The following COL23A1 variants were observed in gnomAD, a reference collection of about 807,000 sequenced individuals.
COL23A1 encodes the protein collagen type XXIII alpha 1 chain.
Under a neutral mutation model 99.3 loss-of-function variants are expected in COL23A1, and 97 were observed. The observed-to-expected ratio is 0.98, with a 90% CI of 0.83 to 1.16. The LOEUF (loss-of-function observed/expected upper bound fraction) is 1.16. COL23A1 is among the 50% of genes most tolerant of loss of function. The pLI is 0.00. For synonymous variants in COL23A1, 320 were observed against 308.2 expected, an observed-to-expected ratio of 1.04 and a Z score of -0.40; for missense variants, 762 against 757.4, an observed-to-expected ratio of 1.01 and a Z score of -0.07.
intron 2 of COL23A1, among the ~76,000 whole-genome samples, chr5:178,363,469 G>T (rs1368647062): frequency 1.3e-5 from 2 of 152,072 alleles, no homozygotes; most frequent in South Asian, 2.1e-4. Flanking sequence ...GTCCTACTAC[G>T]GGTCAGTCAT....
intron 2 of COL23A1, among the ~76,000 whole-genome samples, chr5:178,450,110 C>T (rs377620803): frequency 2.6e-5 from 4 of 152,156 alleles, no homozygotes; most frequent in Non-Finnish European, 4.4e-5. Flanking sequence ...CATACCCTCA[C>T]GGCCCTATGG....
At position 178,307,791 on chromosome 5, in the gene COL23A1, T is replaced by A. The variant is rs955880115; in HGVS notation, c.362-872A>T. ...CAGGTACAAGATTGCAATGTGTAAA[T>A]GGCATTTGATACGTCTTGCTCACCC... On this transcript the variant is annotated intron_variant, in intron 2 of 28. Transcript: ENST00000390654. The surrounding 1 kb of genome is among the most constrained non-coding windows in gnomAD (Gnocchi z 4.2). Among the ~76,000 whole-genome samples, 13 of 152,322 alleles carry A rather than the reference T, an allele frequency of 8.5e-5. 1 individual carries two copies. Among genetic ancestry groups the A allele is most frequent in the African/African-American group, 3.1e-4 (13 of 41,564 alleles).
chr5:178,407,387 C>A (rs1764822450), intron 2 of COL23A1, among the ~76,000 whole-genome samples: 2 of 152,194 alleles, frequency 1.3e-5, no homozygotes, highest in Admixed American at 6.5e-5. Context: ...TTAACAAAAT[C>A]CAGAGTCTCA....
chr5:178,325,082 A>T (rs1334110888), intron 2 of COL23A1, among the ~76,000 whole-genome samples: 1 of 152,222 alleles, frequency 6.6e-6, no homozygotes, highest in East Asian at 1.9e-4. Flanking sequence ...TGACCCGCTC[A>T]AAGTCACGCA....
chr5:178,490,855 T>C (rs1357514158), intron 2 of COL23A1, among the ~76,000 whole-genome samples: 2 of 152,170 alleles, frequency 1.3e-5, no homozygotes, highest in African/African-American at 4.8e-5. Context: ...AAAAAACTGA[T>C]AGAACTGGAT....
At chr5:178,463,925 G>A (rs762259810) in intron 2 of COL23A1, among the ~76,000 whole-genome samples, 1 of 151,928 alleles carries the variant, frequency 6.6e-6, no homozygotes, top group African/African-American at 2.4e-5. Flanking sequence ...ACCTCAGGCT[G>A]CAGAACGAAC....
rs1766057931 is a variant in COL23A1, at chr5:178,428,227, G to C, written c.362-121308C>G. Among the ~76,000 whole-genome samples the C allele has an allele frequency of 6.6e-6, 1 of 152,184 alleles. No individual in the cohort carries two copies. On this transcript the variant is annotated intron_variant, in intron 2 of 28. Coordinates refer to ENST00000390654, the MANE Select transcript of COL23A1 (RefSeq NM_173465.4). This position sits in a 1 kb window ranked among gnomAD's most constrained non-coding sequence, Gnocchi z 5.0. Reference sequence around the variant, plus strand: ...CTTAGGTGACCAAGCCTTCTGCTGTGGGCTCCCCGAGGCATTTCCTGGGAG... The same window carrying C: ...CTTAGGTGACCAAGCCTTCTGCTGTCGGCTCCCCGAGGCATTTCCTGGGAG...
intron 18 of COL23A1, 120 bp from the exon 19 acceptor site, chr5:178,249,326 C>T (rs1314449641): frequency 2.1e-6 from 2 of 952,922 alleles, no homozygotes; most frequent in Non-Finnish European, 3.3e-6. Flanking sequence ...GGGTCCCCAC[C>T]TCCAGCCACA....
chr5:178,589,695 C>A lies in COL23A1; in HGVS notation c.294+209G>T, dbSNP rs1764168019. Among the ~76,000 whole-genome samples, 1 of 151,760 alleles carries A rather than the reference C, an allele frequency of 6.6e-6. No homozygotes were observed. Among genetic ancestry groups the A allele is most frequent in the Non-Finnish European group, 1.5e-5 (1 of 67,924 alleles). The stretch of plus-strand genomic sequence containing the variant: ...CCTGCCTGGCACGGGACCCTGAGGC[C>A]GGAGCGGAGACCGCAAAACCCCTTG... On this transcript the variant is annotated intron_variant, in intron 1 of 28. Transcript: ENST00000390654. This position sits in a 1 kb window ranked among gnomAD's most constrained non-coding sequence, Gnocchi z 5.4.
chr5:178,276,582 G>A (rs928032617), intron 5 of COL23A1, among the ~76,000 whole-genome samples: 1 of 152,166 alleles, frequency 6.6e-6, no homozygotes, highest in Non-Finnish European at 1.5e-5. Context: ...TCTCATTAGA[G>A]CCGGCTGGTG....
chr5:178,302,572 C>T (rs1047339602), intron 3 of COL23A1, among the ~76,000 whole-genome samples: 1 of 152,238 alleles, frequency 6.6e-6, no homozygotes, highest in Non-Finnish European at 1.5e-5. Context: ...TCAAGGTCAG[C>T]CAGAGGTGAG....
intron 2 of COL23A1, among the ~76,000 whole-genome samples, chr5:178,466,232 G>A (rs1454687542): frequency 5.9e-5 from 9 of 151,818 alleles, no homozygotes; most frequent in Non-Finnish European, 8.8e-5. Flanking sequence ...TAAAATGGGG[G>A]CATTGACAGG....
At chr5:178,521,416 G>T (rs1451559022) in intron 2 of COL23A1, among the ~76,000 whole-genome samples, 1 of 152,152 alleles carries the variant, frequency 6.6e-6, no homozygotes, top group African/African-American at 2.4e-5. Flanking sequence ...AGCCGGGCGT[G>T]GTGGCAGGCG....
intron 2 of COL23A1, among the ~76,000 whole-genome samples, chr5:178,440,156 T>C (rs1009754671): frequency 6.6e-6 from 1 of 152,158 alleles, no homozygotes; most frequent in African/African-American, 2.4e-5. Context: ...AATTTTATGG[T>C]ATATTTCAAA....
At position 178,578,866 on chromosome 5, in the gene COL23A1, T is replaced by C. The variant is rs555711358; in HGVS notation, c.294+11038A>G. ...AGAGGACTCTCTTAATTAAAGCAAA[T>C]TGATTAGGTATTTGTGTGCCCTTTC... is the stretch of plus-strand genomic sequence containing the variant. On this transcript the variant is annotated intron_variant, in intron 1 of 28. Coordinates refer to ENST00000390654, the MANE Select transcript of COL23A1 (RefSeq NM_173465.4). Among the ~76,000 whole-genome samples the C allele has an allele frequency of 3.4e-4, 52 of 152,168 alleles. 1 individual carries two copies. In the South Asian group the frequency reaches 8.7e-3, roughly 25 times the overall value.
In COL23A1 at chr5:178,309,993, C is replaced by T. The variant is rs917367765; in HGVS notation, c.362-3074G>A. On this transcript the variant is annotated intron_variant, in intron 2 of 28. Transcript: ENST00000390654. This position sits in a 1 kb window ranked among gnomAD's most constrained non-coding sequence, Gnocchi z 4.7. ...GGACAGGCAGGGAGGCCTCAGGTCT[C>T]CTCACTGCTTCTGGGATTCTCCTGA... 2.6e-5 allele frequency among the ~76,000 whole-genome samples: 4 copies of T among 152,164 alleles called. No homozygotes were observed. Among genetic ancestry groups the T allele is most frequent in the African/African-American group, 4.8e-5 (2 of 41,422 alleles).
chr5:178,357,881 G>A (rs1311788975), intron 2 of COL23A1, among the ~76,000 whole-genome samples: 1 of 143,348 alleles, frequency 7.0e-6, no homozygotes, highest in African/African-American at 2.5e-5. Context: ...GTGTGCATGT[G>A]TACGTGTGTG....
At chr5:178,486,343 T>G (rs145934355) in intron 2 of COL23A1, among the ~76,000 whole-genome samples, 1 of 152,238 alleles carries the variant, frequency 6.6e-6, no homozygotes, top group Non-Finnish European at 1.5e-5. Flanking sequence ...CAGGGAGGCT[T>G]AGTACTCTTG....
chr5:178,523,195 T>TAGAGAGAG (rs1355046736), intron 2 of COL23A1, among the ~76,000 whole-genome samples: 3 of 78,862 alleles, frequency 3.8e-5, no homozygotes, highest in African/African-American at 7.6e-5. Flanking sequence ...TATATATATA[T>TAGAGAGAG]ATATATAGAG....
Sources: allele counts gnomAD v4.1 joint callset (sites outside exome capture counted in the v4.1 genomes callset), GRCh38; gene constraint gnomAD v4.1.1; non-coding constraint Gnocchi (gnomAD v3.1); transcripts MANE v1.5; gene names NCBI Gene and HGNC (gene_info 2026-07-23, HGNC 2026-07-21).